The following DOCK1 variants were observed in gnomAD, a reference collection of about 807,000 sequenced individuals.
DOCK1 encodes dedicator of cytokinesis 1, also known as dedicator of cytokinesis protein 1.
DOCK1 carries 138 observed loss-of-function variants against 262.7 expected under a neutral mutation model. The observed-to-expected ratio is 0.53, with a 90% CI of 0.46 to 0.61. The LOEUF is 0.61. Ranked by LOEUF, DOCK1 falls within the 20% of genes least tolerant of loss-of-function variation. DOCK1 has a pLI of 0.00. For synonymous variants in DOCK1, 866 were observed against 867.4 expected, an observed-to-expected ratio of 1.00 and a Z score of 0.03; for missense variants, 1,908 against 2,370.7, an observed-to-expected ratio of 0.80 and a Z score of 4.05.
At chr10:127,065,588 T>C (rs1035195587) in intron 23 of DOCK1, among the ~76,000 whole-genome samples, 14 of 152,096 alleles carry the variant, frequency 9.2e-5, no homozygotes, top group African/African-American at 3.1e-4. Flanking sequence ...TATGCTTGAA[T>C]TTTTTGAAGA....
chr10:127,196,407 T>TC (rs1193262574), intron 27 of DOCK1, among the ~76,000 whole-genome samples: 2 of 148,434 alleles, frequency 1.3e-5, no homozygotes, highest in African/African-American at 2.4e-5. Flanking sequence ...GCAATTGTCT[T>TC]CGGCGAGATC....
At chr10:127,078,166 T>G (rs2046681673) in intron 23 of DOCK1, among the ~76,000 whole-genome samples, 1 of 152,196 alleles carries the variant, frequency 6.6e-6, no homozygotes, top group Non-Finnish European at 1.5e-5. Flanking sequence ...GGTTAAGATC[T>G]TCCAGAGAAG....
At chr10:127,121,587 G>A (rs934625839) in intron 25 of DOCK1, among the ~76,000 whole-genome samples, 4 of 151,838 alleles carry the variant, frequency 2.6e-5, no homozygotes, top group African/African-American at 9.7e-5. Flanking sequence ...TACTTAAAAC[G>A]TGTACTCCCA....
intron 23 of DOCK1, among the ~76,000 whole-genome samples, chr10:127,075,726 G>A (rs1205078415): frequency 6.6e-6 from 1 of 152,088 alleles, no homozygotes; most frequent in Non-Finnish European, 1.5e-5. Context: ...ACTGTCATGA[G>A]AACGGCAAGG....
At chr10:126,948,841 G>T (rs1325595529) in intron 1 of DOCK1, among the ~76,000 whole-genome samples, 1 of 152,072 alleles carries the variant, frequency 6.6e-6, no homozygotes, top group Non-Finnish European at 1.5e-5. Flanking sequence ...TGCCCCCTAT[G>T]CCTTTCCTGA....
chr10:127,366,080 G>A (rs1456214365), intron 33 of DOCK1, among the ~76,000 whole-genome samples: 2 of 152,004 alleles, frequency 1.3e-5, no homozygotes, highest in African/African-American at 4.8e-5. Flanking sequence ...TGAAGACACA[G>A]ATTCACCCAC....
At chr10:127,051,473 A>G (rs2044717742) in intron 21 of DOCK1, among the ~76,000 whole-genome samples, 1 of 152,256 alleles carries the variant, frequency 6.6e-6, no homozygotes, top group African/African-American at 2.4e-5. Context: ...AAAATCAACT[A>G]AAATGAATAA....
At chr10:127,197,845 T>C (rs1304370977) in intron 27 of DOCK1, among the ~76,000 whole-genome samples, 1 of 152,124 alleles carries the variant, frequency 6.6e-6, no homozygotes, top group Non-Finnish European at 1.5e-5. Context: ...TTATACGAAA[T>C]ACCTTCTTTG....
intron 27 of DOCK1, among the ~76,000 whole-genome samples, chr10:127,196,747 A>AGATGCCGCCG (rs2057198083): frequency 6.6e-6 from 1 of 151,224 alleles, no homozygotes; most frequent in Non-Finnish European, 1.5e-5. Context: ...AGGTGGAAGG[A>AGATGCCGCCG]GCTGCCGCCG....
chr10:127,122,743 G>C (rs1379964587), intron 25 of DOCK1, among the ~76,000 whole-genome samples: 2 of 152,072 alleles, frequency 1.3e-5, no homozygotes, highest in East Asian at 3.9e-4. Context: ...GGAGAGGCTG[G>C]ATAGCAAACA....
At chr10:126,926,579 CAG>C (rs1260655162) in intron 1 of DOCK1, among the ~76,000 whole-genome samples, 1 of 152,142 alleles carries the variant, frequency 6.6e-6, no homozygotes, top group Non-Finnish European at 1.5e-5. Flanking sequence ...CTTAGTGCCT[CAG>C]AGTGTGACCT....
rs869132788 is a variant in DOCK1, at chr10:127,156,562, CTTT to C, written c.2847+28818_2847+28820del. On this transcript the variant is annotated intron_variant, in intron 27 of 51. Transcript: ENST00000623213. ...TCTTCTTCTTCTTCTTCTTCTTCTT[CTTT>C]TTTTTTTTTTTTTTTTTTTGAGACC... Among the ~76,000 whole-genome samples the C allele has an allele frequency of 3.1e-3, 53 of 16,938 alleles. No homozygotes were observed. In the South Asian group the frequency reaches 0.036, roughly 11 times the overall value. The allele number at this position is 16,938 out of a possible 152,430, so 11.1% of individuals were successfully genotyped here. A position where few individuals can be genotyped will look rare whatever the true frequency, so the allele number is the denominator to read the frequency against.
intron 27 of DOCK1, among the ~76,000 whole-genome samples, chr10:127,242,670 T>C (rs907068819): frequency 2.0e-5 from 3 of 152,178 alleles, no homozygotes; most frequent in Non-Finnish European, 4.4e-5. Context: ...TTTAGTAATA[T>C]ATTTTAAAAT....
intron 22 of DOCK1, among the ~76,000 whole-genome samples, chr10:127,055,919 T>C (rs1438415073): frequency 6.6e-6 from 1 of 152,208 alleles, no homozygotes; most frequent in Non-Finnish European, 1.5e-5. Context: ...CTCAACAGCA[T>C]GGCACAGAAC....
intron 27 of DOCK1, among the ~76,000 whole-genome samples, chr10:127,219,636 A>G (rs2058347277): frequency 1.3e-5 from 2 of 151,882 alleles, no homozygotes; most frequent in South Asian, 2.1e-4. Flanking sequence ...ACAACACCCC[A>G]TTTCTCCCTC....
intron 38 of DOCK1, among the ~76,000 whole-genome samples, chr10:127,393,249 G>T (rs188389502): frequency 6.6e-6 from 1 of 152,170 alleles, no homozygotes; most frequent in African/African-American, 2.4e-5. Context: ...AGTGATTACC[G>T]GGGCTTGCAA....
At position 127,125,570 on chromosome 10, in the gene DOCK1, A is replaced by G; in HGVS notation, c.2720A>G (p.His907Arg). 6.2e-7 allele frequency: 1 copy of G among 1,613,902 alleles called. No homozygotes were observed. The highest frequency in any genetic ancestry group is 2.2e-5 in the East Asian group (1 of 44,878). Reference sequence around the variant, plus strand: ...GAGGCCTGCTGTCAGCTGCTCAGCCACATCCTGGAGGTGCTGTACAGGAAG... The same window carrying G: ...GAGGCCTGCTGTCAGCTGCTCAGCCGCATCCTGGAGGTGCTGTACAGGAAG... Reference protein sequence around the residue: ...DLEACCQLLSHILEVLYRKDV... With the variant: ...DLEACCQLLSRILEVLYRKDV... Residue 907 changes from histidine to arginine, a missense_variant, in exon 26 of 52, where the codon CAC becomes CGC. This residue lies in a region of DOCK1 where 518 missense variants were observed against 575.1 expected (regional missense o/e 0.90). Transcript: ENST00000623213.
chr10:127,209,938 C>T (rs986741664), intron 27 of DOCK1, among the ~76,000 whole-genome samples: 1 of 152,096 alleles, frequency 6.6e-6, no homozygotes, highest in African/African-American at 2.4e-5. Flanking sequence ...TTTTATTCAC[C>T]TTAGTAAGGC....
At chr10:127,013,216 C>A (rs139058327) in intron 12 of DOCK1, among the ~76,000 whole-genome samples, 2 of 152,166 alleles carry the variant, frequency 1.3e-5, no homozygotes, top group Non-Finnish European at 2.9e-5. Context: ...GAACTACCCC[C>A]CTTTCTGGCA....
Sources: gnomAD v4.1 joint callset for allele counts (sites outside exome capture counted in the v4.1 genomes callset) on GRCh38, gnomAD v4.1.1 for gene constraint, gnomAD v4.1.1 regional missense constraint, MANE v1.5 for transcripts, NCBI Gene and HGNC (gene_info 2026-07-23, HGNC 2026-07-21) for gene names.